Variants in ADGRL2 observed in about 807,000 individuals in gnomAD.
The protein encoded by ADGRL2 is adhesion G protein-coupled receptor L2.
Under a neutral mutation model 157.4 loss-of-function variants are expected in ADGRL2, and 44 were observed. That is an observed-to-expected ratio of 0.28 (90% confidence interval 0.22 to 0.36). The LOEUF (loss-of-function observed/expected upper bound fraction) is 0.36. Ranked by LOEUF, ADGRL2 falls within the 10% of genes least tolerant of loss-of-function variation. The pLI, the probability that ADGRL2 is intolerant of heterozygous loss-of-function variation, is 1.00. For missense variants in ADGRL2, 1,510 were observed against 1,768.9 expected (o/e 0.85, Z 2.63); for synonymous variants, 585 against 624.7 (o/e 0.94, Z 0.95).
intron 1 of ADGRL2, among the ~76,000 whole-genome samples, chr1:81,405,666 T>C (rs887586290): frequency 2.0e-5 from 3 of 151,024 alleles, no homozygotes; most frequent in African/African-American, 4.9e-5. Flanking sequence ...AGAAAAATAC[T>C]ATTTCATATA....
chr1:81,748,604 G>C (rs2085388095), intron 1 of ADGRL2, among the ~76,000 whole-genome samples: 1 of 151,810 alleles, frequency 6.6e-6, no homozygotes, highest in South Asian at 2.1e-4. Context: ...TCTGAAAAGT[G>C]GTTAATGAAT....
chr1:81,676,650 CTG>C (rs1557557536), intron 3 of ADGRL2, among the ~76,000 whole-genome samples: 1 of 151,816 alleles, frequency 6.6e-6, no homozygotes, highest in Non-Finnish European at 1.5e-5. Flanking sequence ...TACCTGGAGA[CTG>C]TGGAAATGTG....
At chr1:81,463,623 C>T (rs1365723351) in intron 2 of ADGRL2, among the ~76,000 whole-genome samples, 1 of 152,138 alleles carries the variant, frequency 6.6e-6, no homozygotes, top group African/African-American at 2.4e-5. Context: ...ACAATTTGGT[C>T]TTGTTTTATG....
intron 1 of ADGRL2, among the ~76,000 whole-genome samples, chr1:81,417,801 G>A (rs1037859466): frequency 2.6e-5 from 4 of 152,080 alleles, no homozygotes; most frequent in African/African-American, 4.8e-5. Context: ...TATTATCATA[G>A]TGTGATCTGG....
chr1:81,468,952 G>T (rs2078115440), intron 2 of ADGRL2, among the ~76,000 whole-genome samples: 1 of 152,258 alleles, frequency 6.6e-6, no homozygotes, highest in African/African-American at 2.4e-5. Context: ...CCAGTGAGGG[G>T]TTAGTGTTAG....
chr1:81,382,891 A>G (rs113426942), intron 1 of ADGRL2, among the ~76,000 whole-genome samples: 1 of 152,200 alleles, frequency 6.6e-6, no homozygotes, highest in Non-Finnish European at 1.5e-5. Flanking sequence ...ACATTCGGGA[A>G]TGTTTCTATT....
intron 3 of ADGRL2, among the ~76,000 whole-genome samples, chr1:81,636,551 G>C (rs557129141): frequency 6.6e-6 from 1 of 152,012 alleles, no homozygotes; most frequent in South Asian, 2.1e-4. Context: ...TACACAAACT[G>C]TCCCTATTTT....
chr1:81,742,976 AT>A (rs1265700465), intron 1 of ADGRL2, among the ~76,000 whole-genome samples: 2 of 151,932 alleles, frequency 1.3e-5, no homozygotes, highest in Non-Finnish European at 2.9e-5. Flanking sequence ...TAGAGGTGAG[AT>A]TTGCAGAAGC....
At chr1:81,665,984 C>T (rs938193394) in intron 3 of ADGRL2, among the ~76,000 whole-genome samples, 6 of 152,106 alleles carry the variant, frequency 3.9e-5, no homozygotes, top group South Asian at 4.1e-4. Context: ...AAAGTTTCTT[C>T]CCTAAAGCTG....
chr1:81,680,381 T>C (rs1345125815), intron 3 of ADGRL2, among the ~76,000 whole-genome samples: 1 of 152,192 alleles, frequency 6.6e-6, no homozygotes, highest in Non-Finnish European at 1.5e-5. Context: ...GCAATGTTCA[T>C]TTCATAGGCG....
chr1:81,964,108 T>G (rs1656341850), intron 11 of ADGRL2, among the ~76,000 whole-genome samples: 1 of 152,004 alleles, frequency 6.6e-6, no homozygotes, highest in African/African-American at 2.4e-5. Flanking sequence ...GTAGTCATGA[T>G]CTTACTACTT....
At chr1:81,396,835 C>T (rs1266106996) in intron 1 of ADGRL2, among the ~76,000 whole-genome samples, 1 of 152,128 alleles carries the variant, frequency 6.6e-6, no homozygotes, top group Non-Finnish European at 1.5e-5. Flanking sequence ...TCCACATGAT[C>T]ATGTTGAATA....
intron 1 of ADGRL2, among the ~76,000 whole-genome samples, chr1:81,370,248 G>A (rs934132619): frequency 6.6e-6 from 1 of 152,062 alleles, no homozygotes; most frequent in Non-Finnish European, 1.5e-5. Context: ...AATACAACTG[G>A]TATAGTAGAA....
chr1:81,561,369 T>C (rs1570507160), intron 2 of ADGRL2, among the ~76,000 whole-genome samples: 7 of 152,158 alleles, frequency 4.6e-5, no homozygotes, highest in Admixed American at 4.6e-4. Context: ...GTAAGATTTC[T>C]CTTTTTTATA....
chr1:81,817,305 G>A lies in ADGRL2; in HGVS notation c.-101+16237G>A, dbSNP rs966348607. Among the ~76,000 whole-genome samples the A allele has an allele frequency of 4.1e-4, 62 of 150,864 alleles. 1 individual carries two copies. Among genetic ancestry groups the A allele is most frequent in the African/African-American group, 1.5e-3 (61 of 41,094 alleles). On this transcript the variant is annotated intron_variant, in intron 1 of 23. Coordinates refer to ENST00000686636, the MANE Select transcript of ADGRL2 (RefSeq NM_001366006.2). ...TTTTTTTTGGTAAGATTTATGAATA[G>A]ATTGAAAAATATAAAAATTCGGTGG...
At chr1:81,400,206 C>A (rs185058307) in intron 1 of ADGRL2, among the ~76,000 whole-genome samples, 2 of 151,986 alleles carry the variant, frequency 1.3e-5, no homozygotes, top group African/African-American at 4.8e-5. Context: ...TAGGGTATGC[C>A]AATTGTCTGG....
At position 81,404,761 on chromosome 1, in the gene ADGRL2, T is replaced by C. The variant is rs2076823487; in HGVS notation, c.-301-40275T>C. Among the ~76,000 whole-genome samples, 3 of 152,334 alleles carry C rather than the reference T, an allele frequency of 2.0e-5. No individual in the cohort carries two copies. The South Asian group carries it at 6.2e-4, about 32-fold the overall frequency. On this transcript the variant is annotated intron_variant, in intron 1 of 24. Transcript: ENST00000370721. ...GGAGATTTAGATCTCTTCTTCCTTT[T>C]CCTTCATTTCTTACTCTTCCTCTTC... is the stretch of plus-strand genomic sequence containing the variant.
chr1:81,760,908 CTAAT>C (rs1362532913), intron 1 of ADGRL2, among the ~76,000 whole-genome samples: 1 of 151,654 alleles, frequency 6.6e-6, no homozygotes, highest in African/African-American at 2.4e-5. Context: ...TAAATACAAA[CTAAT>C]AATTTCCTTA....
At chr1:81,390,801 A>G (rs1398546800) in intron 1 of ADGRL2, among the ~76,000 whole-genome samples, 4 of 152,308 alleles carry the variant, frequency 2.6e-5, no homozygotes, top group African/African-American at 7.2e-5. Context: ...GAATGCAACA[A>G]AATTTATTTA....
Sources: allele counts gnomAD v4.1 joint callset (sites outside exome capture counted in the v4.1 genomes callset), GRCh38; gene constraint gnomAD v4.1.1; transcripts MANE v1.5; gene names NCBI Gene and HGNC (gene_info 2026-07-23, HGNC 2026-07-21).